Variants in CDK14 observed in about 807,000 individuals in gnomAD.
CDK14 encodes the protein cyclin dependent kinase 14, also known as cyclin-dependent kinase 14.
In CDK14, 34 loss-of-function variants were observed where a neutral mutation model predicts 60.7. The observed-to-expected ratio is 0.56, with a 90% CI of 0.43 to 0.75. The LOEUF is 0.75. CDK14 is among the 30% of genes least tolerant of loss of function. The probability of loss-of-function intolerance (pLI) is 0.00; values close to 1 mark genes in which losing one functional copy is unlikely to be tolerated. For missense variants in CDK14, 482 were observed against 564.1 expected (o/e 0.85, Z 1.47); for synonymous variants, 197 against 203.7 (o/e 0.97, Z 0.28).
intron 3 of CDK14, among the ~76,000 whole-genome samples, chr7:90,735,813 C>T (rs936606635): frequency 1.3e-5 from 2 of 152,202 alleles, no homozygotes; most frequent in African/African-American, 4.8e-5. Flanking sequence ...TGGCTTCAGC[C>T]CCCTTTCCAG....
chr7:90,705,646 G>A (rs1801881349), intron 2 of CDK14, among the ~76,000 whole-genome samples: 1 of 149,890 alleles, frequency 6.7e-6, no homozygotes, highest in Admixed American at 6.7e-5. Context: ...TAATAAGCCT[G>A]ATTATCTAGT....
chr7:91,159,792 A>G (rs1340093850), intron 14 of CDK14, among the ~76,000 whole-genome samples: 3 of 152,152 alleles, frequency 2.0e-5, no homozygotes, highest in African/African-American at 7.2e-5. Context: ...GAGGTTCCCA[A>G]TGCGACTTGG....
At chr7:91,027,392 G>A (rs1796603927) in intron 10 of CDK14, among the ~76,000 whole-genome samples, 1 of 152,140 alleles carries the variant, frequency 6.6e-6, no homozygotes, top group Admixed American at 6.5e-5. Context: ...CTCTCGTCGT[G>A]TGCCAGTGTT....
rs1372804049 is a variant in CDK14, at chr7:90,938,730, AC to A, written c.827-16966del. On this transcript the variant is annotated intron_variant, in intron 8 of 14. Coordinates refer to ENST00000380050, the MANE Select transcript of CDK14 (RefSeq NM_001287135.2). ...ATGTGTGAAGTTGCCAGTAGTTGAA[AC>A]AAAACAAGGTTTACAGAAAATAATT... 2.0e-5 allele frequency among the ~76,000 whole-genome samples: 3 copies of A among 152,240 alleles called. No individual in the cohort carries two copies. The East Asian group carries it at 5.8e-4, about 29-fold the overall frequency.
intron 2 of CDK14, among the ~76,000 whole-genome samples, chr7:90,617,428 G>T (rs1339263191): frequency 1.3e-5 from 2 of 152,038 alleles, no homozygotes; most frequent in African/African-American, 4.8e-5. Context: ...AGAAACAACT[G>T]ATTTTGGTAG....
In CDK14 at chr7:91,179,150, T is replaced by C. The variant is rs529815866; in HGVS notation, c.*29-28015T>C. Among the ~76,000 whole-genome samples, 279 of 152,080 alleles carry C rather than the reference T, an allele frequency of 1.8e-3. 1 individual carries two copies. The highest frequency in any genetic ancestry group is 6.5e-3 in the African/African-American group (270 of 41,490). ...CTGGATTAAGAAAATGTGGCACATA[T>C]ACACCATGGAATACTATGCAGCCAT... On this transcript the variant is annotated intron_variant, in intron 14 of 14. Transcript: ENST00000380050.
chr7:90,791,053 TCTTC>T (rs1279118500), intron 5 of CDK14, among the ~76,000 whole-genome samples: 1 of 152,222 alleles, frequency 6.6e-6, no homozygotes, highest in Admixed American at 6.5e-5. Flanking sequence ...GAATTTCTTT[TCTTC>T]CTTTGTTTCT....
intron 8 of CDK14, among the ~76,000 whole-genome samples, chr7:90,927,806 G>T (rs1261001011): frequency 6.6e-6 from 1 of 152,146 alleles, no homozygotes; most frequent in Non-Finnish European, 1.5e-5. Context: ...CCTGCAGATT[G>T]TTTTCCAACT....
At chr7:90,800,410 A>G (rs550332035) in intron 5 of CDK14, among the ~76,000 whole-genome samples, 8 of 152,166 alleles carry the variant, frequency 5.3e-5, no homozygotes, top group African/African-American at 1.9e-4. Context: ...AATAAATGTT[A>G]TATGAATTAT....
intron 4 of CDK14, among the ~76,000 whole-genome samples, chr7:90,786,261 A>G (rs1805576204): frequency 6.6e-6 from 1 of 152,240 alleles, no homozygotes; most frequent in South Asian, 2.1e-4. Flanking sequence ...AGCACAATTT[A>G]GAGCCCTTTT....
intron 14 of CDK14, among the ~76,000 whole-genome samples, chr7:91,157,754 A>G (rs1801026134): frequency 2.6e-5 from 4 of 152,132 alleles, no homozygotes; most frequent in Admixed American, 6.5e-5. Context: ...GCACATGGAA[A>G]GTTCTCCACA....
At chr7:91,014,565 A>G (rs1224928393) in intron 10 of CDK14, among the ~76,000 whole-genome samples, 5 of 152,188 alleles carry the variant, frequency 3.3e-5, no homozygotes, top group East Asian at 1.9e-4. Flanking sequence ...TTAGAAGACT[A>G]TGTTGTGACC....
intron 2 of CDK14, among the ~76,000 whole-genome samples, chr7:90,673,730 A>G (rs940034290): frequency 4.6e-5 from 7 of 152,238 alleles, no homozygotes; most frequent in African/African-American, 1.7e-4. Context: ...ATGGTTTTGT[A>G]AATCACAAAA....
At chr7:90,696,693 C>T (rs6965408) in intron 2 of CDK14, among the ~76,000 whole-genome samples, 1 of 152,046 alleles carries the variant, frequency 6.6e-6, no homozygotes, top group East Asian at 1.9e-4. Flanking sequence ...AAATTGGGAA[C>T]CCTCAGTTTA....
chr7:90,931,241 T>A (rs1793582539), intron 8 of CDK14, among the ~76,000 whole-genome samples: 1 of 152,188 alleles, frequency 6.6e-6, no homozygotes, highest in African/African-American at 2.4e-5. Context: ...TTGATGCAAA[T>A]TTGAAATTGC....
At chr7:91,066,734 G>A (rs954173381) in intron 11 of CDK14, among the ~76,000 whole-genome samples, 1 of 152,180 alleles carries the variant, frequency 6.6e-6, no homozygotes, top group African/African-American at 2.4e-5. Flanking sequence ...CCTGTGGAAT[G>A]TCAACGAATT....
At chr7:91,069,135 TG>T (rs1478474925) in intron 11 of CDK14, among the ~76,000 whole-genome samples, 12 of 152,378 alleles carry the variant, frequency 7.9e-5, no homozygotes, top group Admixed American at 7.2e-4. Context: ...AAACTGAGTG[TG>T]TGTTTTTCTT....
chr7:91,206,924 A>G (rs1482689336), intron 14 of CDK14, among the ~76,000 whole-genome samples: 1 of 152,192 alleles, frequency 6.6e-6, no homozygotes, highest in Non-Finnish European at 1.5e-5. Context: ...AGACCAATTC[A>G]GTTGGTGGAG....
chr7:90,749,378 C>G (rs74480091), intron 4 of CDK14, among the ~76,000 whole-genome samples: 373 of 152,228 alleles, frequency 2.5e-3, no homozygotes, highest in Middle Eastern at 3.4e-3. Flanking sequence ...GTTGCCCCAC[C>G]CTTCCTTTGC....
Sources: gnomAD v4.1 joint callset for allele counts (sites outside exome capture counted in the v4.1 genomes callset) on GRCh38, gnomAD v4.1.1 for gene constraint, MANE v1.5 for transcripts, NCBI Gene and HGNC (gene_info 2026-07-23, HGNC 2026-07-21) for gene names.